MYO16: variants seen among roughly 807,000 people sequenced by gnomAD.
MYO16 encodes unconventional myosin-XVI.
MYO16 carries 94 observed loss-of-function variants against 205.3 expected under a neutral mutation model. The observed-to-expected ratio is 0.46, with a 90% CI of 0.39 to 0.54. The LOEUF (loss-of-function observed/expected upper bound fraction) is 0.54, where lower values mean the gene tolerates loss of function less well. MYO16 is among the 20% of genes least tolerant of loss of function. MYO16 has a pLI of 0.00. For synonymous variants in MYO16, 988 were observed against 954.0 expected (o/e 1.04, Z -0.66); for missense variants, 2,315 against 2,387.5 (o/e 0.97, Z 0.63).
rs1244612500 is a variant in MYO16 at position 108,787,776 on chromosome 13, C to CTCTTAAATT, written c.616+2035_616+2043dup. 2.6e-5 allele frequency among the ~76,000 whole-genome samples: 4 copies of CTCTTAAATT among 152,334 alleles called. No homozygotes were observed. The East Asian group carries it at 7.7e-4, about 29-fold the overall frequency. On this transcript the variant is annotated intron_variant, in intron 5 of 34. Coordinates refer to ENST00000457511, the MANE Select transcript of MYO16 (RefSeq NM_001198950.3). ...TGCTGGAACAAACTCAATTTAATAT[C>CTCTTAAATT]TCTTAAATTTTTAATTCTGTTTGCC...
rs1024145865 is a variant in MYO16, at chr13:109,190,993, C to T, written c.5415+11360C>T. ...CAGCACTTTGGGAGGCTGAGGCGGGCGGATCATCTGTGGTCAAGAGTTCGA... is the reference window on the plus strand; with the variant it reads ...CAGCACTTTGGGAGGCTGAGGCGGGTGGATCATCTGTGGTCAAGAGTTCGA... On this transcript the variant is annotated intron_variant, in intron 34 of 34. Coordinates refer to ENST00000457511, the MANE Select transcript of MYO16 (RefSeq NM_001198950.3). Among the ~76,000 whole-genome samples, 8 of 151,814 alleles carry T rather than the reference C, an allele frequency of 5.3e-5. 1 individual carries two copies. The South Asian group carries it at 8.3e-4, about 16-fold the overall frequency.
the MYO16 span, among the ~76,000 whole-genome samples, chr13:108,525,183 G>A: frequency 2.6e-5 from 4 of 151,924 alleles, no homozygotes; most frequent in Non-Finnish European, 4.4e-5. Flanking sequence ...TGCTTACAGG[G>A]GAAACCAAAC....
intron 17 of MYO16, among the ~76,000 whole-genome samples, chr13:108,959,053 G>A (rs1019299895): frequency 6.6e-6 from 1 of 152,298 alleles, no homozygotes; most frequent in South Asian, 2.1e-4. Flanking sequence ...TGGGGAGGGT[G>A]GAGAGGTCCA....
intron 16 of MYO16, among the ~76,000 whole-genome samples, chr13:108,945,109 T>C (rs1027720838): frequency 5.3e-5 from 8 of 152,224 alleles, no homozygotes; most frequent in African/African-American, 1.9e-4. Flanking sequence ...ATGTAACTGA[T>C]TGCTTCACAA....
chr13:108,518,224 G>T, the MYO16 span, among the ~76,000 whole-genome samples: 1 of 152,198 alleles, frequency 6.6e-6, no homozygotes, highest in East Asian at 1.9e-4. Context: ...TGCATAATTT[G>T]TTGTCTATAC....
intron 20 of MYO16, among the ~76,000 whole-genome samples, chr13:108,979,173 CAAAAATATATTTTCTGTAGT>C (rs1884372371): frequency 6.6e-6 from 1 of 151,864 alleles, no homozygotes; most frequent in Admixed American, 6.6e-5. Context: ...TCTGAAGTTT[CAAAAATATATTTTCTGTAGT>C]TTTATTATAT....
At chr13:108,937,097 G>T (rs1882523335) in intron 16 of MYO16, among the ~76,000 whole-genome samples, 1 of 152,064 alleles carries the variant, frequency 6.6e-6, no homozygotes, top group Admixed American at 6.6e-5. Flanking sequence ...TTTCCCCTTT[G>T]CTAATGAAGC....
intron 23 of MYO16, among the ~76,000 whole-genome samples, chr13:109,025,223 G>T (rs1240208728): frequency 2.6e-5 from 4 of 152,164 alleles, no homozygotes; most frequent in African/African-American, 9.7e-5. Context: ...ACTCCTGGAT[G>T]ATATTGGCAT....
chr13:108,708,717 G>T (rs1249962708), intron 2 of MYO16, among the ~76,000 whole-genome samples: 1 of 152,146 alleles, frequency 6.6e-6, no homozygotes, highest in African/African-American at 2.4e-5. Flanking sequence ...TGTGAGAGGA[G>T]GTATAGATTG....
the MYO16 span, among the ~76,000 whole-genome samples, chr13:108,548,563 G>T: frequency 2.7e-5 from 4 of 150,902 alleles, no homozygotes; most frequent in Non-Finnish European, 5.9e-5. Flanking sequence ...GGATAGGGTT[G>T]AGGAGGATAA....
rs187322048 is a variant in MYO16, at chr13:108,743,253, T to C, written c.507+15670T>C. The stretch of plus-strand genomic sequence containing the variant: ...TTCTCAGGCCTTTGCCTTTTTCTTA[T>C]TGAAAAAAACATTTGGGGTGGAAGT... On this transcript the variant is annotated intron_variant, in intron 4 of 34. Coordinates refer to ENST00000457511, the MANE Select transcript of MYO16 (RefSeq NM_001198950.3). 8.0e-3 allele frequency among the ~76,000 whole-genome samples: 1,221 copies of C among 152,280 alleles called. 12 individuals are homozygous for C. Among genetic ancestry groups the C allele is most frequent in the African/African-American group, 0.028 (1,170 of 41,554 alleles).
At chr13:108,823,969 G>A (rs1396333930) in intron 9 of MYO16, among the ~76,000 whole-genome samples, 1 of 152,000 alleles carries the variant, frequency 6.6e-6, no homozygotes. Context: ...TATTTGTTCG[G>A]AATCTACTGA....
At chr13:108,825,438 C>G (rs1438861186) in intron 9 of MYO16, among the ~76,000 whole-genome samples, 1 of 150,760 alleles carries the variant, frequency 6.6e-6, no homozygotes, top group East Asian at 1.9e-4. Flanking sequence ...AGAAACAAAA[C>G]AAAAACAAAA....
At position 109,125,632 on chromosome 13, in the gene MYO16, ACT is replaced by A. The variant is rs530800977; in HGVS notation, c.3782+277_3782+278del. ...TGTGTCACTTAACTACCTCAAGCAC[ACT>A]CTAGTTCTAAAGCATTTACTGTTTC... On this transcript the variant is annotated intron_variant, in intron 30 of 34. Coordinates refer to ENST00000457511, the MANE Select transcript of MYO16 (RefSeq NM_001198950.3). The surrounding 1 kb of genome is among the most constrained non-coding windows in gnomAD (Gnocchi z 4.0). 6.6e-6 allele frequency among the ~76,000 whole-genome samples: 1 copy of A among 152,142 alleles called. No homozygotes were observed. The highest frequency in any genetic ancestry group is 2.1e-4 in the South Asian group (1 of 4,834).
intron 23 of MYO16, among the ~76,000 whole-genome samples, chr13:109,039,412 C>T (rs1455322217): frequency 6.6e-6 from 1 of 152,160 alleles, no homozygotes; most frequent in Non-Finnish European, 1.5e-5. Flanking sequence ...TTCGAGTACC[C>T]ATGGGACATG....
At chr13:108,715,747 T>C (rs1318726030) in intron 3 of MYO16, among the ~76,000 whole-genome samples, 1 of 152,114 alleles carries the variant, frequency 6.6e-6, no homozygotes, top group Admixed American at 6.5e-5. Flanking sequence ...AGGCAAACAA[T>C]GGGGCCACAA....
At chr13:108,803,812 T>C (rs1887034479) in intron 6 of MYO16, among the ~76,000 whole-genome samples, 1 of 152,232 alleles carries the variant, frequency 6.6e-6, no homozygotes, top group Admixed American at 6.5e-5. Context: ...TGGAGAGCCA[T>C]GGGAAGGCCA....
rs1214699200 is a variant in MYO16, at chr13:108,629,830, G to T, written c.-15G>T. On this transcript the variant is annotated 5_prime_UTR_variant, in exon 1 of 35. Coordinates refer to ENST00000457511, the MANE Select transcript of MYO16 (RefSeq NM_001198950.3). ...TGCTGGAACCCGTAGCAAGATTCCT[G>T]TCTGAGATGGAAAGATGTCTCACTA... 3 of 1,528,126 alleles carry T rather than the reference G, an allele frequency of 2.0e-6. No individual in the cohort carries two copies. The Admixed American group carries it at 5.9e-5, about 30-fold the overall frequency. 94.7% of individuals were successfully genotyped at this position (1,528,126 alleles called of 1,614,324 possible). A position where few individuals can be genotyped will look rare whatever the true frequency, so the allele number is the denominator to read the frequency against.
At chr13:108,885,627 A>G (rs948211269) in intron 13 of MYO16, among the ~76,000 whole-genome samples, 10 of 152,232 alleles carry the variant, frequency 6.6e-5, no homozygotes, top group Non-Finnish European at 1.3e-4. Flanking sequence ...AATAACAACT[A>G]ATGTTTATTG....
Sources: allele counts gnomAD v4.1 joint callset (sites outside exome capture counted in the v4.1 genomes callset), GRCh38; gene constraint gnomAD v4.1.1; non-coding constraint Gnocchi (gnomAD v3.1); transcripts MANE v1.5; gene names NCBI Gene and HGNC (gene_info 2026-07-23, HGNC 2026-07-21).